ZDHHC15: variants seen among roughly 807,000 people sequenced by gnomAD.
ZDHHC15 encodes the protein palmitoyltransferase ZDHHC15.
In ZDHHC15, 19 loss-of-function variants were observed where a neutral mutation model predicts 31.7. The ratio of observed to expected loss-of-function variants is 0.60; its 90% CI spans 0.42 to 0.88. The LOEUF is 0.88. ZDHHC15 is among the 40% of genes least tolerant of loss of function. The probability of loss-of-function intolerance (pLI) is 0.00; values close to 1 mark genes in which losing one functional copy is unlikely to be tolerated. For synonymous variants in ZDHHC15, 103 were observed against 90.0 expected, an observed-to-expected ratio of 1.14 and a Z score of -0.82; for missense variants, 209 against 251.2, an observed-to-expected ratio of 0.83 and a Z score of 1.14.
chrX:75,418,904 C>A (rs987821199), intron 9 of ZDHHC15, among the ~76,000 whole-genome samples: 3 of 112,191 alleles, frequency 2.7e-5, no homozygotes, highest in African/African-American at 9.7e-5. Flanking sequence ...TGGGCAAAGA[C>A]TTCATGAACA....
intron 3 of ZDHHC15, among the ~76,000 whole-genome samples, chrX:75,474,573 T>TACACACACACACACACAC (rs375925139): frequency 1.9e-4 from 12 of 64,255 alleles, no homozygotes; most frequent in East Asian, 5.3e-4. Flanking sequence ...ATCCCCTTTA[T>TACACACACACACACACAC]ACACACACAC....
intron 10 of ZDHHC15, among the ~76,000 whole-genome samples, chrX:75,400,031 A>G (rs1308701568): frequency 8.9e-6 from 1 of 111,820 alleles, no homozygotes; most frequent in African/African-American, 3.3e-5. Flanking sequence ...ATGAGAAAAA[A>G]ACCAATGCAA....
chrX:75,392,541 C>G (rs147334873), intron 10 of ZDHHC15, among the ~76,000 whole-genome samples: 6 of 112,069 alleles, frequency 5.4e-5, no homozygotes, highest in Non-Finnish European at 1.1e-4. Context: ...ATACACATCT[C>G]CTGAGATCAT....
intron 1 of ZDHHC15, among the ~76,000 whole-genome samples, chrX:75,514,584 G>C (rs762411182): frequency 9.0e-6 from 1 of 111,689 alleles, no homozygotes; most frequent in East Asian, 2.8e-4. Context: ...GAAGCGGGGC[G>C]GGGCATCACC....
intron 9 of ZDHHC15, among the ~76,000 whole-genome samples, chrX:75,420,499 T>C (rs1319785892): frequency 9.0e-6 from 1 of 111,362 alleles, no homozygotes; most frequent in East Asian, 2.8e-4. Context: ...TAAAGACACA[T>C]GCACACGTAT....
intron 4 of ZDHHC15, among the ~76,000 whole-genome samples, chrX:75,448,638 G>T (rs779136893): frequency 9.0e-6 from 1 of 111,560 alleles, no homozygotes; most frequent in East Asian, 2.8e-4. Flanking sequence ...TGTGGAAGGG[G>T]TTAGTGCGTT....
chrX:75,410,888 C>T (rs1244332761), intron 10 of ZDHHC15, among the ~76,000 whole-genome samples: 2 of 112,122 alleles, frequency 1.8e-5, no homozygotes, highest in African/African-American at 3.2e-5. Context: ...TATATGTACA[C>T]GATGGAATAT....
chrX:75,457,997 C>CA (rs2084251600), intron 3 of ZDHHC15, among the ~76,000 whole-genome samples: 1 of 111,007 alleles, frequency 9.0e-6, no homozygotes, highest in Non-Finnish European at 1.9e-5. Flanking sequence ...TACTGAGGAA[C>CA]AACTATATTT....
chrX:75,487,360 T>C (rs187297820), intron 2 of ZDHHC15, among the ~76,000 whole-genome samples: 161 of 112,306 alleles, frequency 1.4e-3, no homozygotes, highest in African/African-American at 4.7e-3. Context: ...ACAGGACTGT[T>C]TGCAGACATT....
intron 4 of ZDHHC15, among the ~76,000 whole-genome samples, chrX:75,442,707 C>T (rs1218124683): frequency 9.0e-6 from 1 of 111,596 alleles, no homozygotes; most frequent in Middle Eastern, 4.7e-3. Flanking sequence ...CAATATTGGG[C>T]CGGGCGCGGT....
intron 10 of ZDHHC15, among the ~76,000 whole-genome samples, chrX:75,410,460 T>A (rs1310611774): frequency 8.9e-6 from 1 of 112,269 alleles, no homozygotes; most frequent in Admixed American, 9.4e-5. Flanking sequence ...TAGATGTTTC[T>A]CACAAGAAGA....
chrX:75,420,596 A>G (rs991034113), intron 9 of ZDHHC15, among the ~76,000 whole-genome samples: 14 of 111,883 alleles, frequency 1.3e-4, no homozygotes, highest in African/African-American at 4.6e-4. Context: ...AAAATGTGGC[A>G]CATATACACC....
At chrX:75,457,871 A>C (rs915736578) in intron 3 of ZDHHC15, among the ~76,000 whole-genome samples, 1 of 111,994 alleles carries the variant, frequency 8.9e-6, no homozygotes, top group African/African-American at 3.2e-5. Flanking sequence ...GATGATTTAA[A>C]ATATGTAGGA....
chrX:75,517,751 T>TA (rs200170892), intron 1 of ZDHHC15, among the ~76,000 whole-genome samples: 1 of 109,327 alleles, frequency 9.1e-6, no homozygotes, highest in African/African-American at 3.3e-5. Flanking sequence ...AATAAAATTT[T>TA]AAAAAAAAGC....
At chrX:75,419,437 A>T (rs1244138412) in intron 9 of ZDHHC15, among the ~76,000 whole-genome samples, 1 of 111,406 alleles carries the variant, frequency 9.0e-6, no homozygotes, top group Non-Finnish European at 1.9e-5. Flanking sequence ...ATCATGAAAA[A>T]GTCAGGAAAC....
At chrX:75,429,321 C>A in intron 6 of ZDHHC15, 123 bp from the exon 7 acceptor site, 1 of 837,139 alleles carries the variant, frequency 1.2e-6, no homozygotes, top group Non-Finnish European at 1.6e-6. Flanking sequence ...CGTGTAAAAG[C>A]CCAATAGAGA....
intron 4 of ZDHHC15, among the ~76,000 whole-genome samples, chrX:75,441,504 C>G (rs2083939695): frequency 9.0e-6 from 1 of 111,706 alleles, no homozygotes. Flanking sequence ...TTCCCCCTCT[C>G]AACACTTTGG....
intron 10 of ZDHHC15, among the ~76,000 whole-genome samples, chrX:75,391,596 C>G (rs2083243140): frequency 9.0e-6 from 1 of 111,655 alleles, no homozygotes; most frequent in Non-Finnish European, 1.9e-5. Flanking sequence ...CCCTTTTTAC[C>G]CTAGAATAGT....
intron 2 of ZDHHC15, among the ~76,000 whole-genome samples, chrX:75,490,968 A>T (rs1187270624): frequency 8.9e-6 from 1 of 111,760 alleles, no homozygotes; most frequent in African/African-American, 3.3e-5. Context: ...TTAAAAAGTC[A>T]GGAAACAACA....
Sources: gnomAD v4.1 joint callset for allele counts (sites outside exome capture counted in the v4.1 genomes callset) on GRCh38, gnomAD v4.1.1 for gene constraint, MANE v1.5 for transcripts, NCBI Gene and HGNC (gene_info 2026-07-23, HGNC 2026-07-21) for gene names.